Variants in CLEC11A observed in about 807,000 individuals in gnomAD.
The protein encoded by CLEC11A is C-type lectin domain family 11 member A.
Under a neutral mutation model 33.9 loss-of-function variants are expected in CLEC11A, and 35 were observed. The observed-to-expected ratio is 1.03, with a 90% CI of 0.79 to 1.37. CLEC11A has a LOEUF of 1.37. Among genes scored for constraint, CLEC11A ranks in the 40% most tolerant of loss-of-function variants. CLEC11A has a pLI of 0.00. For synonymous variants in CLEC11A, 220 were observed against 202.2 expected (o/e 1.09, Z -0.75); for missense variants, 519 against 455.5 (o/e 1.14, Z -1.27).
rs561476337 is a variant in CLEC11A, at chr19:50,724,992, G to A, written c.527-30G>A. 1.1e-4 allele frequency: 151 copies of A among 1,411,142 alleles called. No individual in the cohort carries two copies. In the African/African-American group the frequency reaches 2.2e-3, roughly 20 times the overall value. The allele number at this position is 1,411,142 out of a possible 1,614,324, so 87.4% of individuals were successfully genotyped here. On this transcript the variant is annotated intron_variant, in intron 3 of 3. Coordinates refer to ENST00000250340, the MANE Select transcript of CLEC11A (RefSeq NM_002975.3). This position sits in a 1 kb window ranked among gnomAD's most constrained non-coding sequence, Gnocchi z 4.1. ...TTCCAGACTCTGAATGCATGACCCCGCCTCCTTCTCTACCCGGCCCCGCCC... is the reference window on the plus strand; with the variant it reads ...TTCCAGACTCTGAATGCATGACCCCACCTCCTTCTCTACCCGGCCCCGCCC...
At position 50,724,656 on chromosome 19, in the gene CLEC11A, G is replaced by A. The variant is rs951546438; in HGVS notation, c.526+55G>A. 2.2e-6 allele frequency: 3 copies of A among 1,367,296 alleles called. No homozygotes were observed. Among genetic ancestry groups the A allele is most frequent in the Non-Finnish European group, 2.8e-6 (3 of 1,059,766 alleles). The allele number at this position is 1,367,296 out of a possible 1,614,324, so 84.7% of individuals were successfully genotyped here. A position where few individuals can be genotyped will look rare whatever the true frequency, so the allele number is the denominator to read the frequency against. On this transcript the variant is annotated intron_variant, in intron 3 of 3. Coordinates refer to ENST00000250340, the MANE Select transcript of CLEC11A (RefSeq NM_002975.3). The surrounding 1 kb of genome is among the most constrained non-coding windows in gnomAD (Gnocchi z 4.1). ...AATGAGACTATCTGGGCCAGGAATG[G>A]GACTGGTTGAGAAGGTGACCCTAGG...
At position 50,724,246 on chromosome 19, in the gene CLEC11A, C is replaced by G. The variant is rs563753014; in HGVS notation, c.334+155C>G. ...TAGGAGCCCCAGGTCCACGGCCATG[C>G]CTCCTAAAGGCCTGGGCCACTCGAC... is the stretch of plus-strand genomic sequence containing the variant. On this transcript the variant is annotated intron_variant, in intron 2 of 3. Transcript: ENST00000250340. The surrounding 1 kb of genome is among the most constrained non-coding windows in gnomAD (Gnocchi z 4.1). Among the ~76,000 whole-genome samples the G allele has an allele frequency of 1.3e-5, 2 of 152,322 alleles. No homozygotes were observed. Among genetic ancestry groups the G allele is most frequent in the South Asian group, 2.1e-4 (1 of 4,828 alleles).
Position 50,724,029 on chromosome 19 carries a change from C to A in CLEC11A, c.272C>A (p.Thr91Lys), listed in dbSNP as rs762544046. The part of the protein sequence containing the change: ...DQGEEEEEEA[T>K]PTPSSGPSPS... ...GGGGAGGAAGAGGAGGAGGAAGCAA[C>A]GCCAACCCCATCCTCCGGCCCCAGC... Residue 91 changes from threonine (T) to lysine (K), a missense_variant, in exon 2 of 4, where the codon ACG becomes AAG. Transcript: ENST00000250340. This position sits in a 1 kb window ranked among gnomAD's most constrained non-coding sequence, Gnocchi z 4.1. 1.2e-6 allele frequency: 2 copies of A among 1,611,726 alleles called. No homozygotes were observed. Among genetic ancestry groups the A allele is most frequent in the Middle Eastern group, 1.7e-4 (1 of 6,056 alleles).
rs867508033 is a variant in CLEC11A, at chr19:50,725,012, C to T, written c.527-10C>T. On this transcript the variant is annotated splice_polypyrimidine_tract_variant and intron_variant, in intron 3 of 3. Coordinates refer to ENST00000250340, the MANE Select transcript of CLEC11A (RefSeq NM_002975.3). ...ACCCCGCCTCCTTCTCTACCCGGCC[C>T]CGCCCACAGGCTGCCTGAAGGGGCT... 2 of 1,464,854 alleles carry T rather than the reference C, an allele frequency of 1.4e-6. No homozygotes were observed. The highest frequency in any genetic ancestry group is 9.0e-7 in the Non-Finnish European group (1 of 1,112,150). 90.7% of individuals were successfully genotyped at this position (1,464,854 alleles called of 1,614,324 possible).
At position 50,725,409 on chromosome 19, in the gene CLEC11A, C is replaced by T. The variant is rs755384295; in HGVS notation, c.914C>T (p.Ser305Phe). ...NCVAQASDDG[S>F]WWDHDCQRRL... The stretch of plus-strand genomic sequence containing the variant: ...GTGGCGCAGGCCTCTGACGACGGCT[C>T]CTGGTGGGACCACGACTGCCAGCGG... The change falls in exon 4 of 4, where the codon TCC (serine) becomes TTC (phenylalanine). Residue 305 changes from serine to phenylalanine, a missense_variant. By Grantham distance (155) the Ser-to-Phe change is radical. Coordinates refer to ENST00000250340, the MANE Select transcript of CLEC11A (RefSeq NM_002975.3). 9 of 1,611,390 alleles carry T rather than the reference C, an allele frequency of 5.6e-6. No homozygotes were observed. The highest frequency in any genetic ancestry group is 1.7e-5 in the Admixed American group (1 of 59,866).
At position 50,724,536 on chromosome 19, in the gene CLEC11A, G is replaced by T; in HGVS notation, c.461G>T (p.Arg154Leu). Residue 154 changes from arginine to leucine, a missense_variant, in exon 3 of 4, where the codon CGC (arginine) becomes CTC (leucine). Coordinates refer to ENST00000250340, the MANE Select transcript of CLEC11A (RefSeq NM_002975.3). This position sits in a 1 kb window ranked among gnomAD's most constrained non-coding sequence, Gnocchi z 4.1. Reference sequence around the variant, plus strand: ...CTGCGGAACGCGGCAGGCGACACCCGCGATGCCGTGCAAGCCCTGCAGGAG... The same window carrying T: ...CTGCGGAACGCGGCAGGCGACACCCTCGATGCCGTGCAAGCCCTGCAGGAG... Reference protein sequence around the residue: ...RQLRNAAGDTRDAVQALQEAQ... With the variant: ...RQLRNAAGDTLDAVQALQEAQ... 1.3e-6 allele frequency: 2 copies of T among 1,534,250 alleles called. No individual in the cohort carries two copies. The highest frequency in any genetic ancestry group is 4.9e-5 in the East Asian group (2 of 40,554).
At position 50,725,516 on chromosome 19, in the gene CLEC11A, C is replaced by T. The variant is rs1211727663; in HGVS notation, c.*49C>T. ...GCCCATCCCACCACCCGGCCTTTCC[C>T]TGCGCCGTGCCCACCCTCCTCCGGA... is the stretch of plus-strand genomic sequence containing the variant. On this transcript the variant is annotated 3_prime_UTR_variant, in exon 4 of 4. Coordinates refer to ENST00000250340, the MANE Select transcript of CLEC11A (RefSeq NM_002975.3). 8.0e-6 allele frequency: 12 copies of T among 1,492,714 alleles called. No individual in the cohort carries two copies. The highest frequency in any genetic ancestry group is 1.1e-5 in the Non-Finnish European group (12 of 1,116,820). 92.5% of individuals were successfully genotyped at this position (1,492,714 alleles called of 1,614,324 possible). A position where few individuals can be genotyped will look rare whatever the true frequency, so the allele number is the denominator to read the frequency against.
chr19:50,725,317 C>G lies in CLEC11A; in HGVS notation c.822C>G (p.Ala274=), dbSNP rs756895570. The G allele has an allele frequency of 1.2e-6, 2 of 1,612,010 alleles. No homozygotes were observed. Among genetic ancestry groups the G allele is most frequent in the Non-Finnish European group, 1.7e-6 (2 of 1,179,440 alleles). Residue 274 remains alanine (A), a synonymous_variant, in exon 4 of 4, where the codon GCC becomes GCG. Coordinates refer to ENST00000250340, the MANE Select transcript of CLEC11A (RefSeq NM_002975.3). ...GCTCACCCCGCCCCGAGCTCGGCGC[C>G]CAGCCCAGCGCCTCGCCGCATCCGC... is the stretch of plus-strand genomic sequence containing the variant. ...WHRSPRPELG[A]QPSASPHPLS...
chr19:50,725,144 C>T lies in CLEC11A; in HGVS notation c.649C>T (p.Arg217Cys), dbSNP rs746583975. The change falls in exon 4 of 4, where the codon CGC becomes TGC. Residue 217 changes from arginine to cysteine, a missense_variant. Coordinates refer to ENST00000250340, the MANE Select transcript of CLEC11A (RefSeq NM_002975.3). ...CGGGAGCCTGGCGCAGCCGGCAGAC[C>T]GCCAGCAGATGGAGGCGCTCACTCG... Reference protein sequence around the residue: ...RGGSLAQPADRQQMEALTRYL... With the variant: ...RGGSLAQPADCQQMEALTRYL... 9 of 1,555,278 alleles carry T rather than the reference C, an allele frequency of 5.8e-6. No homozygotes were observed. The highest frequency in any genetic ancestry group is 1.2e-5 in the South Asian group (1 of 84,764).
At position 50,725,002 on chromosome 19, in the gene CLEC11A, C is replaced by A; in HGVS notation, c.527-20C>A. 1 of 1,455,860 alleles carries A rather than the reference C, an allele frequency of 6.9e-7. No individual in the cohort carries two copies. The highest frequency in any genetic ancestry group is 2.7e-5 in the East Asian group (1 of 37,136). 90.2% of individuals were successfully genotyped at this position (1,455,860 alleles called of 1,614,324 possible). A position where few individuals can be genotyped will look rare whatever the true frequency, so the allele number is the denominator to read the frequency against. ...TGAATGCATGACCCCGCCTCCTTCT[C>A]TACCCGGCCCCGCCCACAGGCTGCC... On this transcript the variant is annotated intron_variant, in intron 3 of 3. Transcript: ENST00000250340.
At position 50,725,299 on chromosome 19, in the gene CLEC11A, C is replaced by T. The variant is rs1323681244; in HGVS notation, c.804C>T (p.Pro268=). ...RVSFFAWHRS[P]RPELGAQPSA... is the part of the protein sequence containing the mutation. ...CCTTCTTCGCCTGGCATCGCTCACC[C>T]CGCCCCGAGCTCGGCGCCCAGCCCA... Residue 268 remains proline (P), a synonymous_variant, in exon 4 of 4, where the codon CCC becomes CCT. Coordinates refer to ENST00000250340, the MANE Select transcript of CLEC11A (RefSeq NM_002975.3). 1.2e-6 allele frequency: 2 copies of T among 1,611,964 alleles called. No individual in the cohort carries two copies. Among genetic ancestry groups the T allele is most frequent in the Non-Finnish European group, 1.7e-6 (2 of 1,179,428 alleles).
rs760857819 is a variant in CLEC11A at position 50,725,171 on chromosome 19, T to A, written c.676T>A (p.Tyr226Asn). 2.5e-6 allele frequency: 4 copies of A among 1,575,760 alleles called. No homozygotes were observed. The highest frequency in any genetic ancestry group is 3.4e-6 in the Non-Finnish European group (4 of 1,162,132). ...CCAGCAGATGGAGGCGCTCACTCGGTACCTGCGCGCGGCGCTCGCTCCCTA... is the reference window on the plus strand; with the variant it reads ...CCAGCAGATGGAGGCGCTCACTCGGAACCTGCGCGCGGCGCTCGCTCCCTA... ...DRQQMEALTR[Y>N]LRAALAPYNW... is the part of the protein sequence containing the mutation. The change falls in exon 4 of 4, where the codon TAC (tyrosine) becomes AAC (asparagine). Residue 226 changes from tyrosine to asparagine, a missense_variant. Transcript: ENST00000250340.
chr19:50,725,458 C>A lies in CLEC11A; in HGVS notation c.963C>A (p.Phe321Leu). ...GGCGTCTCTACTACGTCTGCGAGTTCCCCTTCTAGCGGGGCCGGTACCCCG... is the reference window on the plus strand; with the variant it reads ...GGCGTCTCTACTACGTCTGCGAGTTACCCTTCTAGCGGGGCCGGTACCCCG... ...CQRRLYYVCE[F>L]PF Residue 321 changes from phenylalanine (F) to leucine (L), a missense_variant, in exon 4 of 4, where the codon TTC becomes TTA. Coordinates refer to ENST00000250340, the MANE Select transcript of CLEC11A (RefSeq NM_002975.3). 6.3e-7 allele frequency: 1 copy of A among 1,596,622 alleles called. No individual in the cohort carries two copies. The highest frequency in any genetic ancestry group is 8.6e-7 in the Non-Finnish European group (1 of 1,169,248).
chr19:50,723,737 G>A lies in CLEC11A; in HGVS notation c.147+65G>A. 2.0e-6 allele frequency: 3 copies of A among 1,533,546 alleles called. No individual in the cohort carries two copies. The highest frequency in any genetic ancestry group is 4.5e-5 in the East Asian group (2 of 44,228). The allele number at this position is 1,533,546 out of a possible 1,614,324, so 95.0% of individuals were successfully genotyped here. A position where few individuals can be genotyped will look rare whatever the true frequency, so the allele number is the denominator to read the frequency against. On this transcript the variant is annotated intron_variant, in intron 1 of 3. Coordinates refer to ENST00000250340, the MANE Select transcript of CLEC11A (RefSeq NM_002975.3). The surrounding 1 kb of genome is among the most constrained non-coding windows in gnomAD (Gnocchi z 4.1). ...GTGGGTCTGGGAGGGGGTATTGCAA[G>A]GTTAGGGAAATGGACAATGAGGAGC... is the stretch of plus-strand genomic sequence containing the variant.
chr19:50,724,379 C>T lies in CLEC11A; in HGVS notation c.335-31C>T. ...GGCCCCCCGCTGCATCTCCAGGCTCCCCCTCCAGCATGATCCCTGTCTGTC... is the reference window on the plus strand; with the variant it reads ...GGCCCCCCGCTGCATCTCCAGGCTCTCCCTCCAGCATGATCCCTGTCTGTC... On this transcript the variant is annotated intron_variant, in intron 2 of 3. Transcript: ENST00000250340. The surrounding 1 kb of genome is among the most constrained non-coding windows in gnomAD (Gnocchi z 4.1). The T allele has an allele frequency of 6.8e-7, 1 of 1,476,138 alleles. No individual in the cohort carries two copies. The highest frequency in any genetic ancestry group is 8.9e-7 in the Non-Finnish European group (1 of 1,121,828). 91.4% of individuals were successfully genotyped at this position (1,476,138 alleles called of 1,614,324 possible).
chr19:50,725,671 G>C lies in CLEC11A; in HGVS notation c.*204G>C, dbSNP rs2089182078. 1.3e-5 allele frequency: 12 copies of C among 924,594 alleles called. No individual in the cohort carries two copies. The highest frequency in any genetic ancestry group is 1.9e-5 in the Non-Finnish European group (12 of 638,046). 57.3% of individuals were successfully genotyped at this position (924,594 alleles called of 1,614,324 possible). A position where few individuals can be genotyped will look rare whatever the true frequency, so the allele number is the denominator to read the frequency against. On this transcript the variant is annotated 3_prime_UTR_variant, in exon 4 of 4. Coordinates refer to ENST00000250340, the MANE Select transcript of CLEC11A (RefSeq NM_002975.3). ...TCTTTCCTTGAAGGGGCGGGCACCAGGCTAGGTCCGGTGCCAATAAATCCT... is the reference window on the plus strand; with the variant it reads ...TCTTTCCTTGAAGGGGCGGGCACCACGCTAGGTCCGGTGCCAATAAATCCT...
Position 50,725,404 on chromosome 19 carries a change from C to A in CLEC11A, c.909C>A (p.Asp303Glu), listed in dbSNP as rs561319549. Reference protein sequence around the residue: ...LENCVAQASDDGSWWDHDCQR... With the variant: ...LENCVAQASDEGSWWDHDCQR... ...ACTGCGTGGCGCAGGCCTCTGACGA[C>A]GGCTCCTGGTGGGACCACGACTGCC... The change falls in exon 4 of 4, where the codon GAC becomes GAA. Residue 303 changes from aspartate to glutamate, a missense_variant. Coordinates refer to ENST00000250340, the MANE Select transcript of CLEC11A (RefSeq NM_002975.3). The A allele has an allele frequency of 2.5e-6, 4 of 1,611,686 alleles. No homozygotes were observed. The highest frequency in any genetic ancestry group is 4.5e-5 in the East Asian group (2 of 44,836).
At position 50,724,471 on chromosome 19, in the gene CLEC11A, G is replaced by A. The variant is rs2089167332; in HGVS notation, c.396G>A (p.Leu132=). Residue 132 remains leucine (L), a synonymous_variant, in exon 3 of 4, where the codon TTG becomes TTA. Transcript: ENST00000250340. This position sits in a 1 kb window ranked among gnomAD's most constrained non-coding sequence, Gnocchi z 4.1. The part of the protein sequence containing the change: ...LHQLHVRLHA[L]DTRVVELTQG... ...AGCTGCACGTCCGTCTGCACGCGTTGGACACCCGCGTGGTCGAGCTGACCC... is the reference window on the plus strand; with the variant it reads ...AGCTGCACGTCCGTCTGCACGCGTTAGACACCCGCGTGGTCGAGCTGACCC... 3 of 1,577,136 alleles carry A rather than the reference G, an allele frequency of 1.9e-6. No individual in the cohort carries two copies. Among genetic ancestry groups the A allele is most frequent in the Non-Finnish European group, 2.6e-6 (3 of 1,169,064 alleles).
Position 50,724,686 on chromosome 19 carries a change from C to T in CLEC11A, c.526+85C>T, listed in dbSNP as rs750699724. On this transcript the variant is annotated intron_variant, in intron 3 of 3. Transcript: ENST00000250340. This position sits in a 1 kb window ranked among gnomAD's most constrained non-coding sequence, Gnocchi z 4.1. The stretch of plus-strand genomic sequence containing the variant: ...GGTTGAGAAGGTGACCCTAGGTGTC[C>T]GGGGCGGGAGAGTTCGGGAGAGCTG... The T allele has an allele frequency of 2.0e-5, 26 of 1,310,422 alleles. No homozygotes were observed. Among genetic ancestry groups the T allele is most frequent in the Non-Finnish European group, 2.3e-5 (23 of 1,010,672 alleles). The allele number at this position is 1,310,422 out of a possible 1,614,324, so 81.2% of individuals were successfully genotyped here.
Sources: allele counts gnomAD v4.1 joint callset (sites outside exome capture counted in the v4.1 genomes callset), GRCh38; gene constraint gnomAD v4.1.1; non-coding constraint Gnocchi (gnomAD v3.1); transcripts MANE v1.5; gene names NCBI Gene and HGNC (gene_info 2026-07-23, HGNC 2026-07-21).